UVRAG: variants seen among roughly 807,000 people sequenced by gnomAD.
UVRAG encodes UV radiation resistance-associated gene protein.
A neutral mutation model predicts 78.0 loss-of-function variants in UVRAG; 19 were observed. The observed-to-expected ratio is 0.24, with a 90% CI of 0.17 to 0.36. The LOEUF is 0.36. Ranked by LOEUF, UVRAG falls within the 10% of genes least tolerant of loss-of-function variation. The pLI is 1.00. For missense variants in UVRAG, 740 were observed against 853.8 expected (o/e 0.87, Z 1.66); for synonymous variants, 323 against 324.6 (o/e 1.00, Z 0.05).
At chr11:75,868,393 G>T (rs557503951) in intron 3 of UVRAG, among the ~76,000 whole-genome samples, 26 of 152,304 alleles carry the variant, frequency 1.7e-4, no homozygotes, top group Non-Finnish European at 3.2e-4. Flanking sequence ...CAAGAGAATT[G>T]AGGATCAGGA....
chr11:75,892,941 A>G (rs546180496), intron 5 of UVRAG, among the ~76,000 whole-genome samples: 1 of 152,260 alleles, frequency 6.6e-6, no homozygotes, highest in South Asian at 2.1e-4. Flanking sequence ...GCACTTTGGG[A>G]GGCCGAGGCA....
At chr11:75,877,885 G>A (rs1445931854) in intron 3 of UVRAG, among the ~76,000 whole-genome samples, 20 of 143,900 alleles carry the variant, frequency 1.4e-4, no homozygotes, top group African/African-American at 4.8e-4. Context: ...CCTCCCTCCC[G>A]GACGGGGCGG....
At chr11:75,836,151 A>T (rs1945770893) in intron 1 of UVRAG, among the ~76,000 whole-genome samples, 1 of 152,048 alleles carries the variant, frequency 6.6e-6, no homozygotes, top group South Asian at 2.1e-4. Context: ...AATACTGCAG[A>T]ACCAGAAAGG....
chr11:75,894,576 A>G (rs535473355), intron 5 of UVRAG, among the ~76,000 whole-genome samples: 21 of 152,098 alleles, frequency 1.4e-4, no homozygotes, highest in African/African-American at 5.1e-4. Flanking sequence ...CTAAAATCAG[A>G]GGGCTGAGTG....
chr11:75,965,863 A>G (rs1466525902), intron 7 of UVRAG, among the ~76,000 whole-genome samples: 4 of 152,186 alleles, frequency 2.6e-5, no homozygotes. Context: ...ATAACAGGAA[A>G]GTTTGCACAG....
At chr11:76,044,299 T>G (rs1950704572) in intron 12 of UVRAG, among the ~76,000 whole-genome samples, 2 of 152,190 alleles carry the variant, frequency 1.3e-5, no homozygotes. Context: ...ATCAGCAGTC[T>G]CTGTCACAGG....
intron 14 of UVRAG, among the ~76,000 whole-genome samples, chr11:76,124,702 C>T (rs1952353890): frequency 6.6e-6 from 1 of 152,188 alleles, no homozygotes; most frequent in South Asian, 2.1e-4. Flanking sequence ...TTATGTGAGG[C>T]CATCCCATTT....
chr11:76,095,295 C>A (rs977667508), intron 13 of UVRAG, among the ~76,000 whole-genome samples: 1 of 152,196 alleles, frequency 6.6e-6, no homozygotes, highest in Non-Finnish European at 1.5e-5. Context: ...CTCAGATTGC[C>A]TCTCAACTTT....
In UVRAG at chr11:75,815,428, CG is replaced by C. The variant is rs1307464829; in HGVS notation, c.26del (p.Gly9AlafsTer77). The C allele has an allele frequency of 4.8e-6, 6 of 1,247,420 alleles. No individual in the cohort carries two copies. In the South Asian group the frequency reaches 9.6e-5, roughly 20 times the overall value. 77.3% of individuals were successfully genotyped at this position (1,247,420 alleles called of 1,614,324 possible). On this transcript the variant is annotated frameshift_variant, in exon 1 of 15. Coordinates refer to ENST00000356136, the MANE Select transcript of UVRAG (RefSeq NM_003369.4). LOFTEE classifies it high-confidence loss of function. MSASASV[G>X]GPVPQPPPGP... Reference sequence around the variant, plus strand: ...TCGAGATGAGCGCCTCCGCGTCGGTCGGGGGCCCCGTCCCCCAGCCACCCCC... The same window carrying C: ...TCGAGATGAGCGCCTCCGCGTCGGTCGGGGCCCCGTCCCCCAGCCACCCCC...
chr11:76,000,146 A>G (rs1387606973), intron 8 of UVRAG, among the ~76,000 whole-genome samples: 3 of 152,224 alleles, frequency 2.0e-5, no homozygotes, highest in African/African-American at 7.2e-5. Flanking sequence ...CATACTGAAA[A>G]CAGCTAGCAA....
intron 3 of UVRAG, 117 bp from the exon 4 acceptor site, chr11:75,879,762 A>T: frequency 7.4e-7 from 1 of 1,353,450 alleles, no homozygotes; most frequent in South Asian, 1.5e-5. Flanking sequence ...TTAAGTTTGC[A>T]ATTTAATGTA....
intron 3 of UVRAG, among the ~76,000 whole-genome samples, chr11:75,872,979 G>A (rs1263533881): frequency 2.0e-5 from 3 of 152,158 alleles, no homozygotes; most frequent in Admixed American, 6.5e-5. Context: ...AGGAGCTCAC[G>A]TTCTGGAGGG....
At chr11:76,063,839 C>T (rs536871959) in intron 12 of UVRAG, among the ~76,000 whole-genome samples, 3 of 152,034 alleles carry the variant, frequency 2.0e-5, no homozygotes, top group South Asian at 2.1e-4. Context: ...TATGTTCTGA[C>T]GATAATAGGT....
chr11:75,856,383 A>G (rs1399261327), intron 2 of UVRAG, among the ~76,000 whole-genome samples: 1 of 152,166 alleles, frequency 6.6e-6, no homozygotes, highest in South Asian at 2.1e-4. Context: ...ACTGTCTTGA[A>G]TACATCAGAA....
intron 12 of UVRAG, among the ~76,000 whole-genome samples, chr11:76,045,101 T>C (rs6592622): frequency 0.22 from 33,944 of 152,060 alleles, 7,103 homozygotes; most frequent in African/African-American, 0.55. Context: ...GCAACTACCT[T>C]TCACTTCACC....
intron 12 of UVRAG, among the ~76,000 whole-genome samples, chr11:76,059,017 G>A (rs535059034): frequency 6.6e-6 from 1 of 152,320 alleles, no homozygotes; most frequent in Admixed American, 6.5e-5. Flanking sequence ...AGATCACTTA[G>A]GCCTCGAAAG....
rs1297149515 is a variant in UVRAG, at chr11:76,139,991, T to TA, written c.1398-708dup. Among the ~76,000 whole-genome samples, 20 of 144,870 alleles carry TA rather than the reference T, an allele frequency of 1.4e-4. No homozygotes were observed. The East Asian group carries it at 3.3e-3, about 24-fold the overall frequency. On this transcript the variant is annotated intron_variant, in intron 14 of 14. Transcript: ENST00000356136. Reference sequence around the variant, plus strand: ...TATTTCCCAAGTTAGTTTTTCATTTTAAAAAAAAAAAAGGAACCCCTCAAA... The same window carrying TA: ...TATTTCCCAAGTTAGTTTTTCATTTTAAAAAAAAAAAAAGGAACCCCTCAAA...
At chr11:75,985,251 C>T (rs1184922330) in intron 8 of UVRAG, among the ~76,000 whole-genome samples, 1 of 150,330 alleles carries the variant, frequency 6.7e-6, no homozygotes, top group Middle Eastern at 3.4e-3. Context: ...TATCCTCTTG[C>T]AGTTTTAATT....
intron 4 of UVRAG, among the ~76,000 whole-genome samples, chr11:75,888,146 A>G (rs751376928): frequency 2.6e-5 from 4 of 151,084 alleles, no homozygotes; most frequent in Non-Finnish European, 5.9e-5. Context: ...TTTTTTTCTT[A>G]TTTTTAAGAC....
Sources: gnomAD v4.1 joint callset for allele counts (sites outside exome capture counted in the v4.1 genomes callset) on GRCh38, gnomAD v4.1.1 for gene constraint, MANE v1.5 for transcripts, NCBI Gene and HGNC (gene_info 2026-07-23, HGNC 2026-07-21) for gene names.